HSD17B11: variants seen among roughly 807,000 people sequenced by gnomAD.
HSD17B11 encodes the protein hydroxysteroid 17-beta dehydrogenase 11, also known as estradiol 17-beta-dehydrogenase 11.
A neutral mutation model predicts 27.8 loss-of-function variants in HSD17B11; 22 were observed. The observed-to-expected ratio is 0.79, with a 90% confidence interval of 0.56 to 1.13. The LOEUF is 1.13. Among genes scored for constraint, HSD17B11 ranks in the 50% most tolerant of loss-of-function variants. The pLI is 0.00. For missense variants in HSD17B11, 314 were observed against 351.1 expected (o/e 0.89, Z 0.84); for synonymous variants, 117 against 132.8 (o/e 0.88, Z 0.82).
At chr4:87,344,273 T>C (rs184676261) in intron 5 of HSD17B11, among the ~76,000 whole-genome samples, 1 of 152,332 alleles carries the variant, frequency 6.6e-6, no homozygotes, top group Admixed American at 6.5e-5. Context: ...GTGTTATATA[T>C]ATTACAGATG....
chr4:87,341,939 AGAGT>A (rs1735177749), intron 5 of HSD17B11, among the ~76,000 whole-genome samples: 1 of 152,218 alleles, frequency 6.6e-6, no homozygotes, highest in Non-Finnish European at 1.5e-5. Context: ...GAGCTGCACA[AGAGT>A]TAGTACTGAG....
At chr4:87,352,986 C>G (rs9715078) in intron 5 of HSD17B11, among the ~76,000 whole-genome samples, 1 of 104,332 alleles carries the variant, frequency 9.6e-6, no homozygotes, top group Non-Finnish European at 1.9e-5. Flanking sequence ...GGCTCGCGCA[C>G]GGTGCGCACA....
intron 4 of HSD17B11, among the ~76,000 whole-genome samples, chr4:87,363,720 C>A (rs1735561788): frequency 6.6e-6 from 1 of 152,214 alleles, no homozygotes; most frequent in South Asian, 2.1e-4. Flanking sequence ...ATCTAGACTA[C>A]TTCTGAGAAA....
chr4:87,390,892 T>G lies in HSD17B11; in HGVS notation c.179A>C (p.Lys60Thr). 1 of 1,614,140 alleles carries G rather than the reference T, an allele frequency of 6.2e-7. No individual in the cohort carries two copies. The highest frequency in any genetic ancestry group is 8.5e-7 in the Non-Finnish European group (1 of 1,180,018). Residue 60 changes from lysine (K) to threonine (T), a missense_variant, in exon 1 of 7, where the codon AAA becomes ACA. Coordinates refer to ENST00000358290, the MANE Select transcript of HSD17B11 (RefSeq NM_016245.5). ...RLTAYEFAKL[K>T]SKLVLWDINK... ...TATATCCCAGAGAACCAGCTTGCTT[T>G]TAAGTTTAGCAAATTCATAGGCAGT... is the stretch of plus-strand genomic sequence containing the variant.
intron 1 of HSD17B11, among the ~76,000 whole-genome samples, chr4:87,385,560 G>T (rs1408217440): frequency 1.3e-5 from 2 of 152,096 alleles, no homozygotes; most frequent in Non-Finnish European, 2.9e-5. Flanking sequence ...TGTACACTCA[G>T]AAATGGTTAA....
intron 1 of HSD17B11, among the ~76,000 whole-genome samples, chr4:87,383,387 G>A (rs1467620457): frequency 1.3e-5 from 2 of 152,118 alleles, no homozygotes; most frequent in Non-Finnish European, 2.9e-5. Context: ...AAACTGAGAG[G>A]CAGTTACAGT....
chr4:87,378,840 AT>A (rs1720003546), intron 2 of HSD17B11, among the ~76,000 whole-genome samples: 1 of 32,970 alleles, frequency 3.0e-5, no homozygotes, highest in East Asian at 5.5e-4. Flanking sequence ...AAATATATAT[AT>A]ATAAATATAT....
intron 2 of HSD17B11, among the ~76,000 whole-genome samples, chr4:87,380,483 A>AG: frequency 7.2e-6 from 1 of 139,500 alleles, no homozygotes; most frequent in Non-Finnish European, 1.6e-5. Context: ...AAAAAAAAAA[A>AG]AAAAAGAAAA....
chr4:87,387,340 C>A lies in HSD17B11; in HGVS notation c.210+3521G>T, dbSNP rs1720347037. Among the ~76,000 whole-genome samples the A allele has an allele frequency of 2.0e-5, 3 of 152,214 alleles. No homozygotes were observed. The South Asian group carries it at 6.2e-4, about 32-fold the overall frequency. On this transcript the variant is annotated intron_variant, in intron 1 of 6. Coordinates refer to ENST00000358290, the MANE Select transcript of HSD17B11 (RefSeq NM_016245.5). ...ATATGGTACATGTGGACACTGCTGT[C>A]CTCATTACATGGATGAATCTAAGAG...
At chr4:87,382,220 A>T in intron 2 of HSD17B11, 35 bp downstream of exon 2, 2 of 1,493,540 alleles carry the variant, frequency 1.3e-6, no homozygotes, top group Non-Finnish European at 1.9e-6. Flanking sequence ...CCTAGCTCTA[A>T]CATGATATGA....
At chr4:87,372,348 A>G (rs1735733634) in intron 4 of HSD17B11, among the ~76,000 whole-genome samples, 1 of 151,760 alleles carries the variant, frequency 6.6e-6, no homozygotes, top group South Asian at 2.1e-4. Context: ...TTAATATTAA[A>G]AATTATAAAT....
At chr4:87,389,209 T>C (rs899462908) in intron 1 of HSD17B11, among the ~76,000 whole-genome samples, 1 of 152,034 alleles carries the variant, frequency 6.6e-6, no homozygotes, top group Admixed American at 6.5e-5. Flanking sequence ...TTTTTATTTA[T>C]TAATTTAATT....
chr4:87,378,883 TATATATATATAAATATATATAA>T (rs1432743919), intron 2 of HSD17B11, among the ~76,000 whole-genome samples: 390 of 12,906 alleles, frequency 0.03, 46 homozygotes, highest in Middle Eastern at 0.062. Flanking sequence ...TATATATAAA[TATATATATATAAATATATATAA>T]ATATATATAT....
chr4:87,367,204 T>C (rs977334777), intron 4 of HSD17B11, among the ~76,000 whole-genome samples: 1 of 152,220 alleles, frequency 6.6e-6, no homozygotes, highest in African/African-American at 2.4e-5. Flanking sequence ...TACCAAGGCT[T>C]TGACTGGAAT....
At chr4:87,388,596 C>A (rs1720377146) in intron 1 of HSD17B11, among the ~76,000 whole-genome samples, 1 of 152,250 alleles carries the variant, frequency 6.6e-6, no homozygotes, top group East Asian at 1.9e-4. Context: ...CCCTCCTACC[C>A]TCCCCACCAT....
At chr4:87,372,681 C>T (rs765907071) in intron 4 of HSD17B11, 28 bp downstream of exon 4, 1 of 1,344,802 alleles carries the variant, frequency 7.4e-7, no homozygotes, top group Admixed American at 1.7e-5. Context: ...GGCATAAGAA[C>T]CAATGAAGGA....
chr4:87,380,484 A>AAG (rs1553960402), intron 2 of HSD17B11, among the ~76,000 whole-genome samples: 2,114 of 138,652 alleles, frequency 0.015, 93 homozygotes, highest in African/African-American at 0.049. Flanking sequence ...AAAAAAAAAA[A>AAG]AAAAGAAAAA....
chr4:87,378,121 T>C (rs1284759524), intron 2 of HSD17B11, among the ~76,000 whole-genome samples: 1 of 152,236 alleles, frequency 6.6e-6, no homozygotes, highest in East Asian at 1.9e-4. Context: ...CAATCTGCCA[T>C]GCTGAAGGCT....
chr4:87,368,011 C>T (rs1039905668), intron 4 of HSD17B11, among the ~76,000 whole-genome samples: 1 of 152,170 alleles, frequency 6.6e-6, no homozygotes, highest in African/African-American at 2.4e-5. Context: ...TCCCAGATAT[C>T]ACCTCTTGTC....
Sources: gnomAD v4.1 joint callset for allele counts (sites outside exome capture counted in the v4.1 genomes callset) on GRCh38, gnomAD v4.1.1 for gene constraint, MANE v1.5 for transcripts, NCBI Gene and HGNC (gene_info 2026-07-23, HGNC 2026-07-21) for gene names.